GALNT13: variants seen among roughly 807,000 people sequenced by gnomAD.
The protein encoded by GALNT13 is polypeptide N-acetylgalactosaminyltransferase 13, also known as UDP-GalNAc:polypeptide N-acetylgalactosaminyltransferase 13.
Under a neutral mutation model 64.2 loss-of-function variants are expected in GALNT13, and 28 were observed. The observed-to-expected ratio is 0.44, with a 90% CI of 0.32 to 0.60. GALNT13 has a LOEUF of 0.60. GALNT13 is among the 20% of genes least tolerant of loss of function. The probability of loss-of-function intolerance (pLI) is 0.05; values close to 1 mark genes in which losing one functional copy is unlikely to be tolerated. For missense variants in GALNT13, 577 were observed against 669.8 expected (o/e 0.86, Z 1.53); for synonymous variants, 214 against 224.6 (o/e 0.95, Z 0.42).
At chr2:153,167,039 C>T in the GALNT13 span, among the ~76,000 whole-genome samples, 2 of 152,182 alleles carry the variant, frequency 1.3e-5, no homozygotes, top group African/African-American at 4.8e-5. Context: ...ATAAGCTGTG[C>T]CTAGGCTCCT....
chr2:153,878,763 T>C (rs962572481), intron 1 of GALNT13, among the ~76,000 whole-genome samples: 32 of 152,200 alleles, frequency 2.1e-4, no homozygotes, highest in Middle Eastern at 3.2e-3. Context: ...TTCTTTGCCT[T>C]GGCGAAAGTG....
the GALNT13 span, among the ~76,000 whole-genome samples, chr2:153,133,828 C>A: frequency 2.0e-5 from 3 of 152,160 alleles, no homozygotes; most frequent in Non-Finnish European, 2.9e-5. Context: ...TGTATTGAGA[C>A]CTGCAGCCTT....
At chr2:153,770,451 A>T in the GALNT13 span, among the ~76,000 whole-genome samples, 1 of 152,166 alleles carries the variant, frequency 6.6e-6, no homozygotes, top group South Asian at 2.1e-4. Context: ...GGCACCTATG[A>T]GGCTGAAGCG....
At chr2:153,672,930 C>T in the GALNT13 span, among the ~76,000 whole-genome samples, 1 of 152,118 alleles carries the variant, frequency 6.6e-6, no homozygotes, top group African/African-American at 2.4e-5. Flanking sequence ...CTATAAACGG[C>T]TCTATGCAAA....
At chr2:154,163,627 C>T (rs1027017339) in intron 4 of GALNT13, among the ~76,000 whole-genome samples, 1 of 152,236 alleles carries the variant, frequency 6.6e-6, no homozygotes, top group Non-Finnish European at 1.5e-5. Flanking sequence ...TGTGTCCTTT[C>T]ATATTCTTTA....
At chr2:154,148,949 G>A (rs1180462503) in intron 4 of GALNT13, among the ~76,000 whole-genome samples, 4 of 152,170 alleles carry the variant, frequency 2.6e-5, no homozygotes, top group South Asian at 2.1e-4. Context: ...CCATTTGTCA[G>A]TTTTGGCTTT....
rs540666952 is a variant in GALNT13 at position 153,991,556 on chromosome 2, A to G, written c.142+46917A>G. Reference sequence around the variant, plus strand: ...CTTGATTCTTAAAAATATATAATGAACCATCATTAGAACACTCTTTGGCCA... The same window carrying G: ...CTTGATTCTTAAAAATATATAATGAGCCATCATTAGAACACTCTTTGGCCA... On this transcript the variant is annotated intron_variant, in intron 3 of 12. Coordinates refer to ENST00000392825, the MANE Select transcript of GALNT13 (RefSeq NM_052917.4). Among the ~76,000 whole-genome samples, 9 of 152,172 alleles carry G rather than the reference A, an allele frequency of 5.9e-5. No homozygotes were observed. In the East Asian group the frequency reaches 1.7e-3, roughly 29 times the overall value.
chr2:154,408,003 G>A (rs924091445), intron 10 of GALNT13, among the ~76,000 whole-genome samples: 88 of 152,072 alleles, frequency 5.8e-4, no homozygotes, highest in African/African-American at 2.1e-3. Flanking sequence ...GCATAGATAA[G>A]TAAATATATG....
chr2:153,266,123 C>G, the GALNT13 span, among the ~76,000 whole-genome samples: 1 of 152,084 alleles, frequency 6.6e-6, no homozygotes, highest in Non-Finnish European at 1.5e-5. Flanking sequence ...TGTATATTCA[C>G]TTTATGGTTG....
At chr2:153,171,554 A>G in the GALNT13 span, among the ~76,000 whole-genome samples, 277 of 152,298 alleles carry the variant, frequency 1.8e-3, 1 homozygote, top group African/African-American at 6.4e-3. Context: ...CTAATGAAAT[A>G]TATTATACTT....
intron 11 of GALNT13, chr2:154,437,402 C>T: frequency 2.2e-6 from 1 of 465,108 alleles, no homozygotes; most frequent in Non-Finnish European, 3.2e-6. Context: ...CTGACTTCCT[C>T]AGATTTCATC....
chr2:154,223,448 C>CTTTTTTT (rs61230257), intron 4 of GALNT13, among the ~76,000 whole-genome samples: 63 of 124,302 alleles, frequency 5.1e-4, no homozygotes, highest in East Asian at 9.2e-4. Context: ...TTTTCTTTTT[C>CTTTTTTT]TTTTTTTTTT....
At chr2:153,801,082 A>G in the GALNT13 span, among the ~76,000 whole-genome samples, 3 of 152,126 alleles carry the variant, frequency 2.0e-5, no homozygotes, top group Admixed American at 6.6e-5. Context: ...CTTTCATAGA[A>G]TTAAAGAGAG....
At chr2:154,139,874 A>T (rs1166195911) in intron 3 of GALNT13, among the ~76,000 whole-genome samples, 1 of 152,152 alleles carries the variant, frequency 6.6e-6, no homozygotes, top group Non-Finnish European at 1.5e-5. Flanking sequence ...CTTTTGACAC[A>T]ATTCAAAATG....
At chr2:153,613,444 A>G in the GALNT13 span, among the ~76,000 whole-genome samples, 1 of 152,094 alleles carries the variant, frequency 6.6e-6, no homozygotes, top group East Asian at 1.9e-4. Flanking sequence ...GTCAGATGCA[A>G]AAAGTGCTAT....
chr2:154,184,988 G>A (rs1464873311), intron 4 of GALNT13, among the ~76,000 whole-genome samples: 1 of 152,022 alleles, frequency 6.6e-6, no homozygotes, highest in Non-Finnish European at 1.5e-5. Context: ...TTGGTAATTA[G>A]TATCTTTTCA....
intron 3 of GALNT13, among the ~76,000 whole-genome samples, chr2:154,003,374 G>T (rs746823458): frequency 6.6e-6 from 1 of 152,132 alleles, no homozygotes; most frequent in African/African-American, 2.4e-5. Flanking sequence ...TGTTATGCCT[G>T]CTTGGGAGAC....
chr2:153,842,288 G>A, the GALNT13 span, among the ~76,000 whole-genome samples: 1 of 152,098 alleles, frequency 6.6e-6, no homozygotes, highest in Non-Finnish European at 1.5e-5. Context: ...TCAGAGTTGA[G>A]AGGCTAAAAC....
chr2:153,719,013 T>C, the GALNT13 span, among the ~76,000 whole-genome samples: 1 of 152,142 alleles, frequency 6.6e-6, no homozygotes, highest in Non-Finnish European at 1.5e-5. Flanking sequence ...TCATTAACTG[T>C]ATTAGGTTAA....
Sources: gnomAD v4.1 joint callset for allele counts (sites outside exome capture counted in the v4.1 genomes callset) on GRCh38, gnomAD v4.1.1 for gene constraint, MANE v1.5 for transcripts, NCBI Gene and HGNC (gene_info 2026-07-23, HGNC 2026-07-21) for gene names.